Variants in KHDRBS2 observed in about 807,000 individuals in gnomAD.
The protein encoded by KHDRBS2 is KH domain-containing, RNA-binding, signal transduction-associated protein 2.
In KHDRBS2, 26 loss-of-function variants were observed where a neutral mutation model predicts 44.3. That is an observed-to-expected ratio of 0.59 (90% confidence interval 0.43 to 0.81). The LOEUF (loss-of-function observed/expected upper bound fraction) is 0.81. KHDRBS2 is among the 40% of genes least tolerant of loss of function. KHDRBS2 has a pLI of 0.00. For missense variants in KHDRBS2, 476 were observed against 433.1 expected, an observed-to-expected ratio of 1.10 and a Z score of -0.88; for synonymous variants, 194 against 151.1, an observed-to-expected ratio of 1.28 and a Z score of -2.08.
intron 6 of KHDRBS2, among the ~76,000 whole-genome samples, chr6:61,780,287 G>C (rs1302948165): frequency 6.6e-6 from 1 of 152,158 alleles, no homozygotes; most frequent in African/African-American, 2.4e-5. Flanking sequence ...GTTCACTTGA[G>C]CTCAGAAATT....
chr6:62,098,010 C>CA (rs1311243687), intron 2 of KHDRBS2, among the ~76,000 whole-genome samples: 1 of 151,762 alleles, frequency 6.6e-6, no homozygotes, highest in Non-Finnish European at 1.5e-5. Context: ...AACAAACAAA[C>CA]AAAAAAAGTC....
the KHDRBS2 span, among the ~76,000 whole-genome samples, chr6:61,580,074 G>C: frequency 6.6e-6 from 1 of 152,178 alleles, no homozygotes; most frequent in Admixed American, 6.6e-5. Context: ...AATGAGAAAG[G>C]CTTCTTCTTG....
intron 2 of KHDRBS2, among the ~76,000 whole-genome samples, chr6:62,139,357 C>G (rs1273316155): frequency 7.9e-5 from 12 of 151,944 alleles, no homozygotes; most frequent in Non-Finnish European, 1.5e-4. Flanking sequence ...TCGAGACCAT[C>G]CTGGCTAACA....
At chr6:62,116,066 G>A (rs1518912) in intron 2 of KHDRBS2, among the ~76,000 whole-genome samples, 92,397 of 151,656 alleles carry the variant, frequency 0.61, 28,303 homozygotes, top group Non-Finnish European at 0.62. Context: ...CATCAAAATA[G>A]GAAAAGAAAA....
chr6:62,047,029 C>T (rs1302471059), intron 3 of KHDRBS2, among the ~76,000 whole-genome samples: 1 of 151,870 alleles, frequency 6.6e-6, no homozygotes, highest in Non-Finnish European at 1.5e-5. Context: ...TTTAATATGT[C>T]TCATTAACAC....
chr6:61,578,541 C>T, the KHDRBS2 span, among the ~76,000 whole-genome samples: 15 of 152,094 alleles, frequency 9.9e-5, no homozygotes, highest in Non-Finnish European at 1.6e-4. Flanking sequence ...TCATTGCCCT[C>T]GTATTTTACA....
At chr6:61,736,957 C>A (rs1017529391) in intron 6 of KHDRBS2, among the ~76,000 whole-genome samples, 1 of 151,962 alleles carries the variant, frequency 6.6e-6, no homozygotes, top group Admixed American at 6.6e-5. Context: ...TAGTTTATCA[C>A]CTTTTTGATG....
chr6:61,581,113 C>A, the KHDRBS2 span, among the ~76,000 whole-genome samples: 1 of 152,140 alleles, frequency 6.6e-6, no homozygotes, highest in African/African-American at 2.4e-5. Flanking sequence ...TACTCATCCC[C>A]AATACAAACT....
intron 1 of KHDRBS2, among the ~76,000 whole-genome samples, chr6:62,258,559 C>G (rs1837805218): frequency 6.6e-6 from 1 of 151,906 alleles, no homozygotes; most frequent in African/African-American, 2.4e-5. Context: ...CAGAGTGACA[C>G]CTTTGCTTTC....
intron 6 of KHDRBS2, among the ~76,000 whole-genome samples, chr6:61,743,490 G>A (rs978366748): frequency 4.6e-5 from 7 of 151,874 alleles, no homozygotes; most frequent in Middle Eastern, 3.4e-3. Flanking sequence ...AAATAATTTC[G>A]TTAAGTTTAC....
intron 6 of KHDRBS2, among the ~76,000 whole-genome samples, chr6:61,869,872 G>T (rs1348087251): frequency 6.6e-6 from 1 of 152,012 alleles, no homozygotes; most frequent in African/African-American, 2.4e-5. Flanking sequence ...CAGACCAGGA[G>T]ATTCCCTCCA....
chr6:61,553,063 T>A, the KHDRBS2 span, among the ~76,000 whole-genome samples: 1 of 152,194 alleles, frequency 6.6e-6, no homozygotes, highest in Non-Finnish European at 1.5e-5. Flanking sequence ...TTGGAATAGC[T>A]TCCATAGGAA....
chr6:62,275,376 T>C (rs1840764860), intron 1 of KHDRBS2, among the ~76,000 whole-genome samples: 1 of 152,188 alleles, frequency 6.6e-6, no homozygotes, highest in Non-Finnish European at 1.5e-5. Context: ...AAGTGGCTTC[T>C]ACTTTTTGCC....
At chr6:62,048,121 TACACACACACACAC>T in intron 2 of KHDRBS2, 127 bp from the exon 3 acceptor site, 3 of 404,320 alleles carry the variant, frequency 7.4e-6, no homozygotes, top group East Asian at 4.3e-5. Context: ...GCCATAAACA[TACACACACACACAC>T]ACACACACAC....
intron 1 of KHDRBS2, among the ~76,000 whole-genome samples, chr6:62,204,533 C>T (rs926736380): frequency 1.3e-5 from 2 of 152,068 alleles, no homozygotes; most frequent in East Asian, 1.9e-4. Flanking sequence ...TTTCAGTGAG[C>T]GTTCTCTTTA....
chr6:61,955,108 A>G (rs540004900), intron 4 of KHDRBS2, among the ~76,000 whole-genome samples: 1 of 144,142 alleles, frequency 6.9e-6, no homozygotes, highest in Admixed American at 6.9e-5. Context: ...GTATATATAC[A>G]CATATGTGTA....
intron 2 of KHDRBS2, among the ~76,000 whole-genome samples, chr6:62,061,855 T>C (rs1208812901): frequency 6.7e-6 from 1 of 150,184 alleles, no homozygotes; most frequent in Non-Finnish European, 1.5e-5. Flanking sequence ...CCATATTTCT[T>C]GGAGGCTTTG....
At chr6:61,610,904 T>C in the KHDRBS2 span, among the ~76,000 whole-genome samples, 1 of 152,308 alleles carries the variant, frequency 6.6e-6, no homozygotes, top group African/African-American at 2.4e-5. Context: ...TAATAATACC[T>C]ATTAACATGC....
chr6:62,278,440 A>G (rs1841320188), intron 1 of KHDRBS2, among the ~76,000 whole-genome samples: 1 of 152,168 alleles, frequency 6.6e-6, no homozygotes, highest in African/African-American at 2.4e-5. Flanking sequence ...AGGCCATAAA[A>G]AAACCTTAAA....
Sources: gnomAD v4.1 joint callset for allele counts (sites outside exome capture counted in the v4.1 genomes callset) on GRCh38, gnomAD v4.1.1 for gene constraint, MANE v1.5 for transcripts, NCBI Gene and HGNC (gene_info 2026-07-23, HGNC 2026-07-21) for gene names.